The following CCSER1 variants were observed in gnomAD, a reference collection of about 807,000 sequenced individuals.
CCSER1 encodes coiled-coil serine rich protein 1, also known as serine-rich coiled-coil domain-containing protein 1.
A neutral mutation model predicts 82.0 loss-of-function variants in CCSER1; 41 were observed. The ratio of observed to expected loss-of-function variants is 0.50; its 90% CI spans 0.39 to 0.65. The LOEUF (loss-of-function observed/expected upper bound fraction) is 0.65, where lower values mean the gene tolerates loss of function less well. CCSER1 is among the 30% of genes least tolerant of loss of function. The pLI is 0.00. For missense variants in CCSER1, 1,119 were observed against 1,064.2 expected (o/e 1.05, Z -0.72); for synonymous variants, 414 against 383.9 (o/e 1.08, Z -0.92).
At chr4:90,570,154 A>G (rs573227450) in intron 5 of CCSER1, among the ~76,000 whole-genome samples, 4 of 152,288 alleles carry the variant, frequency 2.6e-5, no homozygotes, top group Admixed American at 1.3e-4. Flanking sequence ...GTGTGCCAGT[A>G]TGGGAGCTGG....
In CCSER1 at chr4:91,318,617, C is replaced by A. The variant is rs183255292; in HGVS notation, c.2217+232623C>A. Among the ~76,000 whole-genome samples, 6 of 152,100 alleles carry A rather than the reference C, an allele frequency of 3.9e-5. No homozygotes were observed. In the South Asian group the frequency reaches 1.2e-3, roughly 32 times the overall value. ...AGGACTTATGTGAAAACTTCAATAT[C>A]TTATGGCAGCTCAGTAGCTAATTTT... On this transcript the variant is annotated intron_variant, in intron 10 of 10. Coordinates refer to ENST00000509176, the MANE Select transcript of CCSER1 (RefSeq NM_001145065.2).
intron 2 of CCSER1, among the ~76,000 whole-genome samples, chr4:90,309,837 A>T (rs557287114): frequency 1.3e-5 from 2 of 151,976 alleles, no homozygotes; most frequent in South Asian, 4.1e-4. Context: ...ATTTTTTCTC[A>T]CTTATGTTAT....
At chr4:90,764,844 T>C (rs1362614138) in intron 7 of CCSER1, among the ~76,000 whole-genome samples, 2 of 152,164 alleles carry the variant, frequency 1.3e-5, no homozygotes, top group Non-Finnish European at 2.9e-5. Context: ...TAGCAGTTCA[T>C]GCTCTTTTTA....
chr4:91,181,143 G>T (rs1210825621), intron 10 of CCSER1, among the ~76,000 whole-genome samples: 1 of 152,158 alleles, frequency 6.6e-6, no homozygotes, highest in African/African-American at 2.4e-5. Context: ...TTTGTTTATG[G>T]TCAGTTTTGG....
intron 3 of CCSER1, among the ~76,000 whole-genome samples, chr4:90,379,036 A>G (rs556482315): frequency 1.3e-5 from 2 of 152,338 alleles, no homozygotes; most frequent in South Asian, 2.1e-4. Flanking sequence ...AGCATATCAG[A>G]TAAGAGCGAA....
intron 10 of CCSER1, among the ~76,000 whole-genome samples, chr4:91,518,264 G>A (rs772112528): frequency 4.6e-5 from 7 of 152,102 alleles, no homozygotes; most frequent in Non-Finnish European, 7.4e-5. Context: ...TATGTGGAGC[G>A]GCAATCAATT....
intron 10 of CCSER1, among the ~76,000 whole-genome samples, chr4:91,131,255 G>A (rs564031321): frequency 1.3e-5 from 2 of 150,998 alleles, no homozygotes; most frequent in South Asian, 4.2e-4. Context: ...TTCAATATAG[G>A]ATCAAATTAA....
At chr4:90,561,398 C>G (rs1329486443) in intron 5 of CCSER1, among the ~76,000 whole-genome samples, 1 of 152,214 alleles carries the variant, frequency 6.6e-6, no homozygotes, top group African/African-American at 2.4e-5. Flanking sequence ...CAAGTGTTAA[C>G]TTTAATGTTT....
intron 5 of CCSER1, among the ~76,000 whole-genome samples, chr4:90,589,810 A>T (rs28391382): frequency 0.34 from 51,651 of 152,016 alleles, 9,310 homozygotes; most frequent in East Asian, 0.5. Flanking sequence ...TTTAAACTAG[A>T]AACTTTCTAT....
At chr4:91,051,428 A>G (rs978049917) in intron 9 of CCSER1, among the ~76,000 whole-genome samples, 2 of 152,192 alleles carry the variant, frequency 1.3e-5, no homozygotes, top group Non-Finnish European at 2.9e-5. Context: ...TATTGCTGTT[A>G]GAAATGTGAG....
At chr4:90,583,706 C>G (rs1006313399) in intron 5 of CCSER1, among the ~76,000 whole-genome samples, 4 of 151,922 alleles carry the variant, frequency 2.6e-5, no homozygotes, top group Non-Finnish European at 5.9e-5. Context: ...AACGAGAATA[C>G]CTTTTTATGT....
intron 7 of CCSER1, among the ~76,000 whole-genome samples, chr4:90,799,954 G>T (rs1756580806): frequency 6.6e-6 from 1 of 152,114 alleles, no homozygotes. Context: ...GCCACTGGGG[G>T]CCAGGAACAA....
chr4:91,421,407 C>T (rs1190755204), intron 10 of CCSER1, among the ~76,000 whole-genome samples: 1 of 152,110 alleles, frequency 6.6e-6, no homozygotes, highest in Non-Finnish European at 1.5e-5. Flanking sequence ...GGTGTAAGTC[C>T]TGAAATACAG....
chr4:91,548,992 CATGTT>C, intron 10 of CCSER1, among the ~76,000 whole-genome samples: 1 of 152,016 alleles, frequency 6.6e-6, no homozygotes, highest in Non-Finnish European at 1.5e-5. Context: ...TCCCATTATG[CATGTT>C]ATATCTTTTG....
intron 9 of CCSER1, among the ~76,000 whole-genome samples, chr4:90,963,183 C>T (rs1251611940): frequency 2.0e-5 from 3 of 152,120 alleles, no homozygotes; most frequent in East Asian, 1.9e-4. Context: ...TATTTAAAGG[C>T]GTTTGAGGAA....
intron 10 of CCSER1, among the ~76,000 whole-genome samples, chr4:91,464,379 G>A (rs542827923): frequency 6.6e-6 from 1 of 152,234 alleles, no homozygotes; most frequent in Non-Finnish European, 1.5e-5. Flanking sequence ...GGAACAACCG[G>A]TACCAGCCAC....
intron 10 of CCSER1, among the ~76,000 whole-genome samples, chr4:91,094,200 T>C (rs1341248899): frequency 6.6e-6 from 1 of 152,162 alleles, no homozygotes; most frequent in African/African-American, 2.4e-5. Flanking sequence ...GCAGGAAACT[T>C]CTGGAGGTCT....
rs540259528 is a variant in CCSER1, at chr4:91,234,868, G to A, written c.2217+148874G>A. 5.3e-5 allele frequency among the ~76,000 whole-genome samples: 8 copies of A among 152,068 alleles called. No individual in the cohort carries two copies. The South Asian group carries it at 8.3e-4, about 16-fold the overall frequency. ...TTAGCACACATCTTTAGAAACTCAC[G>A]TTATCATTGCCTCTTGTTAAATTAT... On this transcript the variant is annotated intron_variant, in intron 10 of 10. Coordinates refer to ENST00000509176, the MANE Select transcript of CCSER1 (RefSeq NM_001145065.2).
chr4:90,813,284 T>C (rs542025261), intron 7 of CCSER1, among the ~76,000 whole-genome samples: 154 of 152,316 alleles, frequency 1.0e-3, no homozygotes, highest in Non-Finnish European at 1.6e-3. Context: ...GGTGGGCCAG[T>C]CATTAAATCT....
Sources: allele counts gnomAD v4.1 joint callset (sites outside exome capture counted in the v4.1 genomes callset), GRCh38; gene constraint gnomAD v4.1.1; transcripts MANE v1.5; gene names NCBI Gene and HGNC (gene_info 2026-07-23, HGNC 2026-07-21).